The following AASDHPPT variants were observed in gnomAD, a reference collection of about 807,000 sequenced individuals.
AASDHPPT encodes aminoadipate-semialdehyde dehydrogenase-phosphopantetheinyl transferase.
Under a neutral mutation model 36.4 loss-of-function variants are expected in AASDHPPT, and 23 were observed. The ratio of observed to expected loss-of-function variants is 0.63; its 90% confidence interval spans 0.45 to 0.89. The LOEUF is 0.89. Among genes scored for constraint, AASDHPPT ranks in the 40% least tolerant of loss-of-function variants. The probability of loss-of-function intolerance (pLI) is 0.00; values close to 1 mark genes in which losing one functional copy is unlikely to be tolerated. For missense variants in AASDHPPT, 377 were observed against 378.2 expected, an observed-to-expected ratio of 1.00 and a Z score of 0.03; for synonymous variants, 115 against 128.0, an observed-to-expected ratio of 0.90 and a Z score of 0.68.
At chr11:106,087,490 G>T (rs1861208673) in intron 2 of AASDHPPT, among the ~76,000 whole-genome samples, 1 of 152,016 alleles carries the variant, frequency 6.6e-6, no homozygotes, top group Non-Finnish European at 1.5e-5. Flanking sequence ...ACGTAGATGG[G>T]CATTGCTTAA....
chr11:106,087,370 A>C (rs573927897), intron 2 of AASDHPPT, among the ~76,000 whole-genome samples: 1 of 152,286 alleles, frequency 6.6e-6, no homozygotes, highest in African/African-American at 2.4e-5. Context: ...CATAGAAGCA[A>C]AATTATATAT....
chr11:106,096,846 C>T lies in AASDHPPT; in HGVS notation c.869C>T (p.Ser290Leu), dbSNP rs1445871293. The T allele has an allele frequency of 8.7e-6, 14 of 1,611,700 alleles. No homozygotes were observed. Among genetic ancestry groups the T allele is most frequent in the African/African-American group, 1.3e-5 (1 of 74,772 alleles). Residue 290 changes from serine to leucine, a missense_variant, in exon 6 of 6, where the codon TCA (serine) becomes TTA (leucine). By Grantham distance (145) the Ser-to-Leu change is moderately radical. Coordinates refer to ENST00000278618, the MANE Select transcript of AASDHPPT (RefSeq NM_015423.3). ...SAVPMTPEDP[S>L]FWDCFCFTEE... ...GTTCCCATGACACCTGAAGATCCTT[C>T]ATTTTGGGACTGTTTTTGCTTCACA...
chr11:106,094,323 T>C (rs1861290337), intron 4 of AASDHPPT: 1 of 286,102 alleles, frequency 3.5e-6, no homozygotes, highest in Admixed American at 5.1e-5. Context: ...CTTACTGACG[T>C]TATTAACTGC....
In AASDHPPT at chr11:106,096,877, A is replaced by C; in HGVS notation, c.900A>C (p.Glu300Asp). 1 of 1,610,194 alleles carries C rather than the reference A, an allele frequency of 6.2e-7. No homozygotes were observed. Among genetic ancestry groups the C allele is most frequent in the Non-Finnish European group, 8.5e-7 (1 of 1,178,614 alleles). ...GGGACTGTTTTTGCTTCACAGAAGA[A>C]ATTCCAATACGAAATGGTACAAAGT... Reference protein sequence around the residue: ...SFWDCFCFTEEIPIRNGTKS With the variant: ...SFWDCFCFTEDIPIRNGTKS Residue 300 changes from glutamate to aspartate, a missense_variant, in exon 6 of 6, where the codon GAA becomes GAC. Glu to Asp is a conservative substitution (Grantham distance 45). Transcript: ENST00000278618.
At chr11:106,084,206 A>G (rs1861173727) in intron 2 of AASDHPPT, among the ~76,000 whole-genome samples, 1 of 152,214 alleles carries the variant, frequency 6.6e-6, no homozygotes, top group African/African-American at 2.4e-5. Flanking sequence ...AAGAACAATC[A>G]TATAGATGGA....
chr11:106,078,002 T>A (rs1351413158), intron 1 of AASDHPPT, 109 bp downstream of exon 1: 3 of 1,355,090 alleles, frequency 2.2e-6, no homozygotes, highest in East Asian at 5.1e-5. Flanking sequence ...CCTCTCGCTG[T>A]GGAGCCTGTG....
At chr11:106,079,730 T>G in intron 2 of AASDHPPT, 38 bp downstream of exon 2, 1 of 1,534,642 alleles carries the variant, frequency 6.5e-7, no homozygotes, top group Admixed American at 1.7e-5. Flanking sequence ...GTTAAGTGTC[T>G]CGATGCCTCA....
intron 2 of AASDHPPT, among the ~76,000 whole-genome samples, chr11:106,086,548 C>A (rs1861199544): frequency 6.6e-6 from 1 of 152,150 alleles, no homozygotes; most frequent in Non-Finnish European, 1.5e-5. Flanking sequence ...TCTCTGGCCC[C>A]CTGCAAAATT....
chr11:106,078,145 G>T (rs1861084750), intron 1 of AASDHPPT, among the ~76,000 whole-genome samples: 2 of 152,216 alleles, frequency 1.3e-5, no homozygotes, highest in Admixed American at 1.3e-4. Context: ...TATTTCAAAT[G>T]GAGACCCTCC....
intron 2 of AASDHPPT, among the ~76,000 whole-genome samples, chr11:106,082,564 T>A (rs1436168695): frequency 6.6e-6 from 1 of 152,216 alleles, no homozygotes; most frequent in African/African-American, 2.4e-5. Flanking sequence ...TGTCTTGTCC[T>A]ATAGGTAAGA....
At chr11:106,090,389 A>G (rs572208804) in intron 2 of AASDHPPT, among the ~76,000 whole-genome samples, 168 bp from the exon 3 acceptor site, 81 of 152,036 alleles carry the variant, frequency 5.3e-4, no homozygotes, top group Non-Finnish European at 9.0e-4. Context: ...TTAATTTTCA[A>G]CTTGCTTTGA....
chr11:106,092,600 T>C (rs1298205349), intron 4 of AASDHPPT: 11 of 152,128 alleles, frequency 7.2e-5, no homozygotes, highest in African/African-American at 2.4e-4. Flanking sequence ...GAAGTGGAAA[T>C]TGAAACCACA....
At chr11:106,086,778 A>G (rs1455132434) in intron 2 of AASDHPPT, among the ~76,000 whole-genome samples, 2 of 152,200 alleles carry the variant, frequency 1.3e-5, no homozygotes, top group African/African-American at 4.8e-5. Flanking sequence ...AAAGCAGAAA[A>G]CAAGTCTTCT....
At position 106,091,317 on chromosome 11, in the gene AASDHPPT, C is replaced by A; in HGVS notation, c.533C>A (p.Ala178Glu). ...TQLDMFYRNWALKESFIKAIG... is the reference protein window; with the variant it reads ...TQLDMFYRNWELKESFIKAIG... ...AGAAAATGTCTTTCTGTATCTTAGG[C>A]ACTTAAGGAAAGCTTCATAAAAGCC... Residue 178 changes from alanine (A) to glutamate (E), a missense_variant and splice_region_variant, in exon 4 of 6, where the codon GCA (alanine) becomes GAA (glutamate). Transcript: ENST00000278618. 1 of 1,585,412 alleles carries A rather than the reference C, an allele frequency of 6.3e-7. No individual in the cohort carries two copies. Among genetic ancestry groups the A allele is most frequent in the Non-Finnish European group, 8.5e-7 (1 of 1,171,858 alleles).
At chr11:106,095,408 T>C (rs1861302794) in intron 5 of AASDHPPT, among the ~76,000 whole-genome samples, 1 of 152,224 alleles carries the variant, frequency 6.6e-6, no homozygotes, top group African/African-American at 2.4e-5. Flanking sequence ...GTCAAACATG[T>C]AAGAGACCTT....
intron 1 of AASDHPPT, 74 bp from the exon 2 acceptor site, chr11:106,079,393 A>G (rs1861106487): frequency 1.6e-6 from 2 of 1,274,366 alleles, no homozygotes; most frequent in South Asian, 1.6e-5. Flanking sequence ...ACCAAAAAAA[A>G]GTACTATTGC....
Position 106,091,464 on chromosome 11 carries a change from A to C in AASDHPPT, c.680A>C (p.Glu227Ala), listed in dbSNP as rs560817474. 101 of 1,580,800 alleles carry C rather than the reference A, an allele frequency of 6.4e-5. No individual in the cohort carries two copies. In the Admixed American group the frequency reaches 9.3e-4, roughly 15 times the overall value. Residue 227 changes from glutamate to alanine, a missense_variant, in exon 4 of 6, where the codon GAA (glutamate) becomes GCA (alanine). Glu to Ala is a moderately radical substitution (Grantham distance 107). Transcript: ENST00000278618. ...RLFLDGEEEK[E>A]WAFEESKIDE... ...TTCCTGGATGGAGAGGAAGAAAAAG[A>C]ATGGGCATTTGAGGTAAGAAATTTG...
chr11:106,079,833 A>G (rs1324751589), intron 2 of AASDHPPT, 141 bp downstream of exon 2: 2 of 663,686 alleles, frequency 3.0e-6, no homozygotes, highest in African/African-American at 3.6e-5. Flanking sequence ...GGTAATGGAG[A>G]GCATAAATCT....
At chr11:106,094,499 GAA>G (rs1388057699) in intron 4 of AASDHPPT, 82 bp from the exon 5 acceptor site, 2 of 990,022 alleles carry the variant, frequency 2.0e-6, no homozygotes, top group African/African-American at 3.3e-5. Flanking sequence ...GAGAGAGAGA[GAA>G]TGAGATTTAG....
Sources: gnomAD v4.1 joint callset for allele counts (sites outside exome capture counted in the v4.1 genomes callset) on GRCh38, gnomAD v4.1.1 for gene constraint, MANE v1.5 for transcripts, NCBI Gene and HGNC (gene_info 2026-07-23, HGNC 2026-07-21) for gene names.